The following WDPCP variants were observed in gnomAD, a reference collection of about 807,000 sequenced individuals.
The protein encoded by WDPCP is WD repeat-containing and planar cell polarity effector protein fritz homolog.
In WDPCP, 71 loss-of-function variants were observed where a neutral mutation model predicts 93.1. That is an observed-to-expected ratio of 0.76 (90% confidence interval 0.63 to 0.93). WDPCP has a LOEUF of 0.93. Among genes scored for constraint, WDPCP ranks in the 40% least tolerant of loss-of-function variants. The probability of loss-of-function intolerance (pLI) is 0.00; values close to 1 mark genes in which losing one functional copy is unlikely to be tolerated. For synonymous variants in WDPCP, 315 were observed against 315.0 expected (o/e 1.00, Z 0.00); for missense variants, 844 against 887.4 (o/e 0.95, Z 0.62).
At chr2:63,366,974 T>G (rs1381596479) in intron 12 of WDPCP, among the ~76,000 whole-genome samples, 3 of 152,078 alleles carry the variant, frequency 2.0e-5, no homozygotes, top group African/African-American at 7.2e-5. Context: ...GAGGTTTAAA[T>G]GTGATCATGT....
intron 1 of WDPCP, among the ~76,000 whole-genome samples, chr2:63,575,458 A>ACT (rs1491223173): frequency 0.015 from 567 of 37,718 alleles, 98 homozygotes; most frequent in East Asian, 0.02. Context: ...CTGTATATAC[A>ACT]GTATATATGC....
At chr2:63,720,303 G>T (rs1048762127) in intron 2 of WDPCP, among the ~76,000 whole-genome samples, 13 of 151,834 alleles carry the variant, frequency 8.6e-5, no homozygotes, top group Middle Eastern at 3.4e-3. Flanking sequence ...TGTAGTCCCA[G>T]CTACTCGGGA....
At chr2:63,424,879 G>A (rs1457529351) in intron 9 of WDPCP, among the ~76,000 whole-genome samples, 2 of 152,124 alleles carry the variant, frequency 1.3e-5, no homozygotes, top group African/African-American at 4.8e-5. Context: ...TGATCGGAGG[G>A]GGATCCCCAA....
At chr2:63,483,079 T>TA (rs929358933) in intron 6 of WDPCP, among the ~76,000 whole-genome samples, 6 of 152,042 alleles carry the variant, frequency 3.9e-5, no homozygotes, top group African/African-American at 1.2e-4. Flanking sequence ...AAACTCTATC[T>TA]AAAAAGGATT....
At chr2:63,784,561 C>G (rs1047640803) in intron 2 of WDPCP, among the ~76,000 whole-genome samples, 1 of 148,050 alleles carries the variant, frequency 6.8e-6, no homozygotes, top group Non-Finnish European at 1.5e-5. Context: ...GAAAAAATAT[C>G]TCTAGCTGGA....
upstream of WDPCP, among the ~76,000 whole-genome samples, chr2:63,829,492 A>G (rs186774113): frequency 1.3e-5 from 2 of 152,146 alleles, no homozygotes; most frequent in Non-Finnish European, 2.9e-5. Context: ...ATGAGAATTT[A>G]GCTCAGTTCC....
chr2:63,452,311 G>A (rs1387424759), intron 6 of WDPCP, among the ~76,000 whole-genome samples: 4 of 152,170 alleles, frequency 2.6e-5, no homozygotes, highest in Non-Finnish European at 4.4e-5. Context: ...GACAAAGAGA[G>A]AGCCAAATCA....
chr2:63,369,221 C>T (rs948395266), intron 12 of WDPCP: 8 of 323,074 alleles, frequency 2.5e-5, no homozygotes, highest in Non-Finnish European at 4.9e-5. Flanking sequence ...TCTGCTGGTA[C>T]TATAATCAAA....
chr2:63,273,833 A>G (rs1378910139), intron 13 of WDPCP, among the ~76,000 whole-genome samples: 1 of 151,670 alleles, frequency 6.6e-6, no homozygotes, highest in Admixed American at 6.6e-5. Context: ...ACACGCACAC[A>G]CACACACACA....
In WDPCP at chr2:63,599,256, C is replaced by T. The variant is rs370041076; in HGVS notation, n.488+51403G>A. The T allele has an allele frequency of 1.5e-5, 24 of 1,613,584 alleles. No individual in the cohort carries two copies. The Admixed American group carries it at 2.2e-4, about 15-fold the overall frequency. On this transcript the variant is annotated intron_variant and non_coding_transcript_variant, in intron 3 of 4. Transcript: ENST00000467687. ...CCATCCCCAAGGAGAACTTCAGTTG[C>T]TTGACTCGTTTGGATCACAACCGAG... is the stretch of plus-strand genomic sequence containing the variant.
chr2:63,515,180 G>A (rs989440753), intron 1 of WDPCP, among the ~76,000 whole-genome samples: 2 of 152,122 alleles, frequency 1.3e-5, no homozygotes, highest in Non-Finnish European at 2.9e-5. Flanking sequence ...AAGCTTTACA[G>A]TAAGCTATAC....
intron 14 of WDPCP, among the ~76,000 whole-genome samples, chr2:63,222,345 T>A (rs1322819476): frequency 6.6e-6 from 1 of 152,176 alleles, no homozygotes; most frequent in East Asian, 1.9e-4. Context: ...CTTGTGGGGA[T>A]TTAGCACAAC....
chr2:63,126,209 C>T (rs866755624), intron 17 of WDPCP, among the ~76,000 whole-genome samples: 1 of 152,316 alleles, frequency 6.6e-6, no homozygotes, highest in East Asian at 1.9e-4. Context: ...GCTGGGATTA[C>T]AGGTGTAAGC....
At chr2:63,341,718 T>C (rs1041313686) in intron 12 of WDPCP, among the ~76,000 whole-genome samples, 2 of 152,192 alleles carry the variant, frequency 1.3e-5, no homozygotes, top group African/African-American at 4.8e-5. Context: ...GTCTCTGCTG[T>C]TTGGTGCACA....
intron 2 of WDPCP, among the ~76,000 whole-genome samples, chr2:63,671,721 C>A (rs1004691424): frequency 6.6e-6 from 1 of 152,040 alleles, no homozygotes; most frequent in Non-Finnish European, 1.5e-5. Context: ...CCAATCTTTG[C>A]ATATTTAATC....
chr2:63,205,254 A>G (rs1345118482), intron 14 of WDPCP, among the ~76,000 whole-genome samples: 1 of 152,136 alleles, frequency 6.6e-6, no homozygotes, highest in Non-Finnish European at 1.5e-5. Context: ...GCTCTGTAGT[A>G]TAATTTTAAG....
intron 9 of WDPCP, among the ~76,000 whole-genome samples, chr2:63,432,078 T>G (rs1206011609): frequency 6.6e-6 from 1 of 152,152 alleles, no homozygotes; most frequent in Non-Finnish European, 1.5e-5. Context: ...CCCAGGAAGT[T>G]TTACAGGTAA....
chr2:63,316,679 TAAAA>T (rs915054710), intron 12 of WDPCP, among the ~76,000 whole-genome samples: 6 of 150,466 alleles, frequency 4.0e-5, no homozygotes, highest in African/African-American at 1.5e-4. Flanking sequence ...TAAATAAAAA[TAAAA>T]GAAAAAAAAC....
intron 1 of WDPCP, among the ~76,000 whole-genome samples, chr2:63,562,673 T>C (rs1706716163): frequency 6.6e-6 from 1 of 152,212 alleles, no homozygotes; most frequent in Non-Finnish European, 1.5e-5. Context: ...CATAAGTTGG[T>C]ATTATACTGT....
Sources: allele counts gnomAD v4.1 joint callset (sites outside exome capture counted in the v4.1 genomes callset), GRCh38; gene constraint gnomAD v4.1.1; transcripts MANE v1.5; gene names NCBI Gene and HGNC (gene_info 2026-07-23, HGNC 2026-07-21).